The following SNTG1 variants were observed in gnomAD, a reference collection of about 807,000 sequenced individuals.
SNTG1 encodes gamma-1-syntrophin.
Under a neutral mutation model 74.7 loss-of-function variants are expected in SNTG1, and 39 were observed. The observed-to-expected ratio is 0.52, with a 90% CI of 0.40 to 0.68. The LOEUF (loss-of-function observed/expected upper bound fraction) is 0.68, where lower values mean the gene tolerates loss of function less well. SNTG1 is among the 30% of genes least tolerant of loss of function. The pLI is 0.00. For missense variants in SNTG1, 685 were observed against 609.5 expected, an observed-to-expected ratio of 1.12 and a Z score of -1.30; for synonymous variants, 254 against 217.1, an observed-to-expected ratio of 1.17 and a Z score of -1.49.
rs16915081 is a variant in SNTG1, at chr8:50,611,442, A to G, written c.849+20525A>G. 8.5e-3 allele frequency among the ~76,000 whole-genome samples: 1,288 copies of G among 152,274 alleles called. 23 individuals carry two copies. Among genetic ancestry groups the G allele is most frequent in the African/African-American group, 0.03 (1,227 of 41,548 alleles). On this transcript the variant is annotated intron_variant, in intron 13 of 18. Coordinates refer to ENST00000642720, the MANE Select transcript of SNTG1 (RefSeq NM_018967.5). ...GTAGGGAACTGTAGATACACAGCAT[A>G]CTTCGTAAGTACCATCATATTTGAT...
intron 1 of SNTG1, among the ~76,000 whole-genome samples, chr8:50,024,860 G>T (rs1186347912): frequency 2.6e-5 from 4 of 152,114 alleles, no homozygotes; most frequent in Non-Finnish European, 4.4e-5. Context: ...GCACAGATAT[G>T]CTGGACAAAT....
chr8:50,614,944 CTTTT>C (rs1217362389), intron 13 of SNTG1, among the ~76,000 whole-genome samples: 4 of 136,742 alleles, frequency 2.9e-5, no homozygotes, highest in Admixed American at 1.5e-4. Context: ...GTAGTTTTTT[CTTTT>C]TTTTTTTTTT....
At position 50,333,126 on chromosome 8, in the gene SNTG1, ACTCAGCCTGCTGGG is replaced by A. The variant is rs2091023973; in HGVS notation, c.-27-61080_-27-61067del. ...TGTAAAAACGTAATATATACTCAAG[ACTCAGCCTGCTGGG>A]CTCAGGTTCTGGCCCTGGCCCCATC... On this transcript the variant is annotated intron_variant, in intron 2 of 18. Transcript: ENST00000642720. 2.0e-5 allele frequency among the ~76,000 whole-genome samples: 3 copies of A among 152,198 alleles called. No individual in the cohort carries two copies. In the South Asian group the frequency reaches 6.2e-4, roughly 32 times the overall value.
At position 50,388,490 on chromosome 8, in the gene SNTG1, C is replaced by A. The variant is rs116713827; in HGVS notation, c.-27-5722C>A. On this transcript the variant is annotated intron_variant, in intron 2 of 18. Coordinates refer to ENST00000642720, the MANE Select transcript of SNTG1 (RefSeq NM_018967.5). ...AATTCCTGAAACCCCAAAACCAAGT[C>A]AAAAAACTCATTCTTAGAATTCTGT... 9.4e-3 allele frequency among the ~76,000 whole-genome samples: 1,423 copies of A among 152,164 alleles called. 27 individuals are homozygous for A. Among genetic ancestry groups the A allele is most frequent in the African/African-American group, 0.032 (1,349 of 41,528 alleles).
At chr8:50,588,718 GAGA>G (rs1369555368) in intron 12 of SNTG1, among the ~76,000 whole-genome samples, 12 of 152,092 alleles carry the variant, frequency 7.9e-5, no homozygotes, top group African/African-American at 2.7e-4. Flanking sequence ...TGAAGTTACA[GAGA>G]AGAAGTATTT....
chr8:50,177,968 G>A (rs1007264605), intron 2 of SNTG1, among the ~76,000 whole-genome samples: 3 of 152,128 alleles, frequency 2.0e-5, no homozygotes, highest in African/African-American at 7.2e-5. Context: ...GAATCCTACA[G>A]TAGATAGCCT....
intron 5 of SNTG1, among the ~76,000 whole-genome samples, chr8:50,446,467 G>A (rs1239698207): frequency 1.3e-5 from 2 of 151,414 alleles, no homozygotes; most frequent in Non-Finnish European, 2.9e-5. Context: ...CCTGAGGTCA[G>A]GGAGGGGTTC....
At chr8:50,465,343 C>T (rs188370467) in intron 8 of SNTG1, among the ~76,000 whole-genome samples, 1 of 152,266 alleles carries the variant, frequency 6.6e-6, no homozygotes, top group African/African-American at 2.4e-5. Flanking sequence ...AGTCCCTTTC[C>T]CCTTTGTCTT....
Position 50,314,364 on chromosome 8 carries a change from G to A in SNTG1, c.-27-79848G>A, listed in dbSNP as rs1405833621. Among the ~76,000 whole-genome samples, 11 of 149,452 alleles carry A rather than the reference G, an allele frequency of 7.4e-5. 1 individual carries two copies. Among genetic ancestry groups the A allele is most frequent in the African/African-American group, 2.0e-4 (8 of 40,058 alleles). On this transcript the variant is annotated intron_variant, in intron 2 of 18. Coordinates refer to ENST00000642720, the MANE Select transcript of SNTG1 (RefSeq NM_018967.5). ...CTATTTTCATTTTTCTTGTGCTTAA[G>A]CTTTATTGAGATTCTTGGATCTATG... is the stretch of plus-strand genomic sequence containing the variant.
chr8:50,782,396 G>A (rs920142312), intron 18 of SNTG1, among the ~76,000 whole-genome samples: 46 of 152,158 alleles, frequency 3.0e-4, no homozygotes, highest in African/African-American at 8.9e-4. Flanking sequence ...TGGAAGCTTT[G>A]TTAGTTTCTT....
chr8:50,780,022 C>G (rs1423906202), intron 18 of SNTG1, among the ~76,000 whole-genome samples: 2 of 152,042 alleles, frequency 1.3e-5, no homozygotes, highest in Non-Finnish European at 2.9e-5. Context: ...TTTGTGTATA[C>G]TGAAGCAGCC....
chr8:50,693,174 AG>A (rs1215931488), intron 15 of SNTG1, among the ~76,000 whole-genome samples: 1 of 152,194 alleles, frequency 6.6e-6, no homozygotes, highest in Non-Finnish European at 1.5e-5. Context: ...TGACTAGGAA[AG>A]GGAATTCCCT....
intron 17 of SNTG1, among the ~76,000 whole-genome samples, chr8:50,732,900 T>C (rs750535618): frequency 6.6e-6 from 1 of 152,016 alleles, no homozygotes; most frequent in Non-Finnish European, 1.5e-5. Flanking sequence ...TTTTAAAAAA[T>C]AACATCTTTC....
chr8:50,112,710 A>C (rs2080647213), intron 1 of SNTG1, among the ~76,000 whole-genome samples: 2 of 151,504 alleles, frequency 1.3e-5, no homozygotes, highest in South Asian at 4.2e-4. Context: ...TTTAGTAGAG[A>C]TGGGGTTTCG....
intron 2 of SNTG1, among the ~76,000 whole-genome samples, chr8:50,302,621 T>A (rs1271203031): frequency 6.6e-6 from 1 of 152,182 alleles, no homozygotes; most frequent in Non-Finnish European, 1.5e-5. Context: ...TGAATTACTG[T>A]CATTTTAATG....
At chr8:50,271,683 G>A (rs530818939) in intron 2 of SNTG1, among the ~76,000 whole-genome samples, 2 of 152,238 alleles carry the variant, frequency 1.3e-5, no homozygotes, top group East Asian at 3.9e-4. Context: ...GAGTACATTC[G>A]TATGACAGTT....
chr8:50,502,072 A>G (rs1359043482), intron 8 of SNTG1, among the ~76,000 whole-genome samples: 1 of 152,170 alleles, frequency 6.6e-6, no homozygotes, highest in Non-Finnish European at 1.5e-5. Flanking sequence ...AATTATTTTA[A>G]CTGGAAGAAC....
At chr8:50,137,616 A>T (rs546243859) in intron 1 of SNTG1, among the ~76,000 whole-genome samples, 2 of 152,204 alleles carry the variant, frequency 1.3e-5, no homozygotes, top group Non-Finnish European at 2.9e-5. Flanking sequence ...CGACAGAATG[A>T]CAGTGTGCTA....
At chr8:50,642,571 G>A (rs2131180372) in intron 13 of SNTG1, among the ~76,000 whole-genome samples, 1 of 152,130 alleles carries the variant, frequency 6.6e-6, no homozygotes, top group East Asian at 1.9e-4. Flanking sequence ...GATCGTCCTG[G>A]CAAGCCCTTG....
Sources: gnomAD v4.1 joint callset for allele counts (sites outside exome capture counted in the v4.1 genomes callset) on GRCh38, gnomAD v4.1.1 for gene constraint, MANE v1.5 for transcripts, NCBI Gene and HGNC (gene_info 2026-07-23, HGNC 2026-07-21) for gene names.